PNISR: variants seen among roughly 807,000 people sequenced by gnomAD.
The protein encoded by PNISR is PNN interacting serine and arginine rich protein.
PNISR carries 20 observed loss-of-function variants against 93.4 expected under a neutral mutation model. The observed-to-expected ratio is 0.21, with a 90% CI of 0.15 to 0.31. The LOEUF is 0.31. Among genes scored for constraint, PNISR ranks in the 10% least tolerant of loss-of-function variants. The pLI, the probability that PNISR is intolerant of heterozygous loss-of-function variation, is 1.00. For synonymous variants in PNISR, 305 were observed against 306.5 expected, an observed-to-expected ratio of 0.99 and a Z score of 0.05; for missense variants, 893 against 985.4, an observed-to-expected ratio of 0.91 and a Z score of 1.25.
At chr6:99,422,290 C>A (rs1258606228) in intron 1 of PNISR, among the ~76,000 whole-genome samples, 1 of 152,190 alleles carries the variant, frequency 6.6e-6, no homozygotes. Flanking sequence ...TACAGAAACA[C>A]ATCTATCATT....
intron 7 of PNISR, among the ~76,000 whole-genome samples, chr6:99,406,897 C>T (rs1776221968): frequency 6.6e-6 from 1 of 152,038 alleles, no homozygotes; most frequent in African/African-American, 2.4e-5. Flanking sequence ...GAAAGACTAC[C>T]TGAACCAGGG....
intron 10 of PNISR, chr6:99,403,347 A>G (rs1232942865): frequency 6.6e-6 from 1 of 152,312 alleles, no homozygotes; most frequent in Non-Finnish European, 1.5e-5. Flanking sequence ...ACACATCACT[A>G]CTATTTTACT....
rs753240475 is a variant in PNISR, at chr6:99,400,572, G to A, written c.2386C>T (p.Arg796Cys). ...GATCGGGACTTAGACTTGTGTTTGC[G>A]GCTTGCCTTCTTACCAGACCTTTGA... ...KSQRSGKKAS[R>C]KHKSKSRSR Residue 796 changes from arginine to cysteine, a missense_variant, in exon 12 of 12, where the codon CGC becomes TGC. Physicochemically the swap from Arg to Cys is radical, Grantham distance 180 (BLOSUM62 -3). Transcript: ENST00000369239. 33 of 1,613,726 alleles carry A rather than the reference G, an allele frequency of 2.0e-5. No individual in the cohort carries two copies. Among genetic ancestry groups the A allele is most frequent in the Admixed American group, 3.3e-5 (2 of 59,950 alleles).
intron 9 of PNISR, chr6:99,404,151 T>C: frequency 2.3e-6 from 1 of 436,822 alleles, no homozygotes; most frequent in Non-Finnish European, 4.1e-6. Context: ...TGTAACTTAA[T>C]TTTTGTTTTC....
Position 99,408,160 on chromosome 6 carries a change from T to C in PNISR, c.785A>G (p.Gln262Arg), listed in dbSNP as rs752403138. The C allele has an allele frequency of 5.6e-6, 9 of 1,613,632 alleles. No homozygotes were observed. Among genetic ancestry groups the C allele is most frequent in the African/African-American group, 1.3e-5 (1 of 74,904 alleles). ...EKERMEQQRS[Q>R]LSKKEKKATE... ...GGCCTTTTTTTCTTTTTTGGACAAT[T>C]GTGAACGTTGTTGTTCCATTCTTTC... The change falls in exon 7 of 12, where the codon CAA becomes CGA. Residue 262 changes from glutamine to arginine, a missense_variant. By Grantham distance (43) the Gln-to-Arg change is conservative. Around this residue, in one of 3 missense-constraint regions of PNISR, gnomAD observed 866 missense variants for 935.1 expected, o/e 0.93. Transcript: ENST00000369239.
rs1157022339 is a variant in PNISR at position 99,399,820 on chromosome 6, A to G, written c.*720T>C. 1 of 152,204 alleles carries G rather than the reference A, an allele frequency of 6.6e-6. No homozygotes were observed. The highest frequency in any genetic ancestry group is 1.5e-5 in the Non-Finnish European group (1 of 68,012). The allele number at this position is 152,204 out of a possible 1,614,324, so 9.4% of individuals were successfully genotyped here. On this transcript the variant is annotated 3_prime_UTR_variant, in exon 12 of 12. Coordinates refer to ENST00000369239, the MANE Select transcript of PNISR (RefSeq NM_032870.4). ...CAAAAGTCCATGGGTACAATTTACA[A>G]ACTTTGACAAACTATTAAGTAAAAA...
At chr6:99,421,340 T>C (rs1353899123) in intron 1 of PNISR, among the ~76,000 whole-genome samples, 3 of 152,216 alleles carry the variant, frequency 2.0e-5, no homozygotes. Flanking sequence ...GAATGAATTG[T>C]GTCCCCATCC....
At chr6:99,402,864 C>T in intron 10 of PNISR, 154 bp from the exon 11 acceptor site, 1 of 496,620 alleles carries the variant, frequency 2.0e-6, no homozygotes, top group Non-Finnish European at 3.5e-6. Context: ...CATTCAAACG[C>T]TTAAGGAGTT....
intron 10 of PNISR, 101 bp downstream of exon 10, chr6:99,403,728 A>T: frequency 1.3e-6 from 1 of 790,902 alleles, no homozygotes; most frequent in African/African-American, 1.7e-5. Context: ...GTTTTTATAA[A>T]CTGAGTAGGA....
intron 9 of PNISR, chr6:99,404,392 T>G: frequency 1.8e-6 from 1 of 554,686 alleles, no homozygotes; most frequent in Admixed American, 3.0e-5. Context: ...ACAGCATGAT[T>G]GCTAATTTGT....
intron 8 of PNISR, 144 bp from the exon 9 acceptor site, chr6:99,404,846 T>A: frequency 1.8e-6 from 1 of 557,266 alleles, no homozygotes; most frequent in South Asian, 2.1e-5. Flanking sequence ...TGGCGTGATA[T>A]TGGCTCACTG....
At position 99,406,097 on chromosome 6, in the gene PNISR, T is replaced by C; in HGVS notation, c.936A>G (p.Pro312=). ...TGTGCTCTTCTTGAGGAACTGGGGA[T>C]GGACTTCTGGTGACTTTCCCACTAC... ...AASSGKVTRS[P]SPVPQEEHSD... is the part of the protein sequence containing the mutation. Residue 312 remains proline (P), a synonymous_variant, in exon 8 of 12, where the codon CCA becomes CCG. Coordinates refer to ENST00000369239, the MANE Select transcript of PNISR (RefSeq NM_032870.4). 1 of 1,608,902 alleles carries C rather than the reference T, an allele frequency of 6.2e-7. No homozygotes were observed. The highest frequency in any genetic ancestry group is 8.5e-7 in the Non-Finnish European group (1 of 1,175,208).
intron 1 of PNISR, among the ~76,000 whole-genome samples, chr6:99,420,774 C>A (rs1274830355): frequency 6.6e-6 from 1 of 152,162 alleles, no homozygotes; most frequent in Non-Finnish European, 1.5e-5. Flanking sequence ...TTCTTTACCA[C>A]TGTTTGAAAG....
Position 99,412,835 on chromosome 6 carries a change from C to T in PNISR, c.89-96G>A, listed in dbSNP as rs1204543242. On this transcript the variant is annotated intron_variant, in intron 3 of 11. Coordinates refer to ENST00000369239, the MANE Select transcript of PNISR (RefSeq NM_032870.4). ...TAAGCAGCTCAACTATTCCTTAGAT[C>T]TTAAATATTTCAGACAGAGAGGGTA... The T allele has an allele frequency of 6.5e-6, 5 of 764,374 alleles. No homozygotes were observed. The Admixed American group carries it at 1.5e-4, about 23-fold the overall frequency. 47.3% of individuals were successfully genotyped at this position (764,374 alleles called of 1,614,324 possible). A position where few individuals can be genotyped will look rare whatever the true frequency, so the allele number is the denominator to read the frequency against.
chr6:99,404,529 A>AC (rs1247564154), intron 9 of PNISR, 74 bp downstream of exon 9: 1 of 795,990 alleles, frequency 1.3e-6, no homozygotes, highest in Non-Finnish European at 2.3e-6. Flanking sequence ...AACAAGGACA[A>AC]CAAAAAAAGG....
intron 8 of PNISR, 85 bp from the exon 9 acceptor site, chr6:99,404,787 C>G: frequency 1.4e-6 from 1 of 715,598 alleles, no homozygotes; most frequent in Non-Finnish European, 2.4e-6. Context: ...AATGCAAAGC[C>G]ATTTTTTTTT....
intron 1 of PNISR, among the ~76,000 whole-genome samples, chr6:99,421,263 AT>A (rs1778515192): frequency 6.6e-6 from 1 of 152,198 alleles, no homozygotes; most frequent in South Asian, 2.1e-4. Flanking sequence ...CAAGGTTTGT[AT>A]CAGATCATCA....
In PNISR at chr6:99,400,322, A is replaced by T. The variant is rs1775295410; in HGVS notation, c.*218T>A. On this transcript the variant is annotated 3_prime_UTR_variant, in exon 12 of 12. Transcript: ENST00000369239. ...GGAGGGGTTGTTGATCTGAAAAAAA[A>T]GGGAAAAGACAAAATTTAAAAATAA... The T allele has an allele frequency of 3.5e-5, 39 of 1,117,174 alleles. No homozygotes were observed. Among genetic ancestry groups the T allele is most frequent in the Non-Finnish European group, 3.9e-5 (36 of 913,250 alleles). The allele number at this position is 1,117,174 out of a possible 1,614,324, so 69.2% of individuals were successfully genotyped here.
intron 2 of PNISR, 193 bp from the exon 3 acceptor site, chr6:99,414,883 G>A (rs965429073): frequency 5.9e-6 from 2 of 338,722 alleles, no homozygotes; most frequent in Non-Finnish European, 1.1e-5. Context: ...GCTGGTCTCA[G>A]AATTTGGTGG....
Sources: allele counts gnomAD v4.1 joint callset (sites outside exome capture counted in the v4.1 genomes callset), GRCh38; gene constraint gnomAD v4.1.1; regional missense constraint gnomAD v4.1.1; transcripts MANE v1.5; gene names NCBI Gene and HGNC (gene_info 2026-07-23, HGNC 2026-07-21).